Variants in WHR1 observed in about 807,000 individuals in gnomAD.
The protein encoded by WHR1 is winged helix repair factor 1.
At chr6:31,979,662 G>T in the WHR1 span, 1 of 1,447,170 alleles carries the variant, frequency 6.9e-7, no homozygotes, top group African/African-American at 1.4e-5. Context: ...CAGAAAAGCT[G>T]CCAAAAAGCT....
the WHR1 span, chr6:31,979,791 A>G: frequency 2.0e-6 from 1 of 496,306 alleles, no homozygotes; most frequent in East Asian, 3.4e-5. Flanking sequence ...GTGGCTTATC[A>G]AAAGCACACA....
At chr6:31,973,033 A>G in the WHR1 span, 2 of 684,654 alleles carry the variant, frequency 2.9e-6, no homozygotes, top group African/African-American at 1.8e-5. Flanking sequence ...ACGTCAGATC[A>G]TGACAGGCCT....
chr6:31,975,898 C>A, the WHR1 span, among the ~76,000 whole-genome samples: 2 of 149,496 alleles, frequency 1.3e-5, no homozygotes, highest in African/African-American at 2.5e-5. Flanking sequence ...GGCGGCTGGC[C>A]GGGCGGGGGG....
At chr6:31,972,342 G>A in the WHR1 span, 1 of 1,613,120 alleles carries the variant, frequency 6.2e-7, no homozygotes, top group Non-Finnish European at 8.5e-7. This position sits in a 1 kb window ranked among gnomAD's most constrained non-coding sequence, Gnocchi z 6.3. Context: ...GCTCTGCGCC[G>A]GAAGACCCTA....
chr6:31,974,188 G>A, the WHR1 span, among the ~76,000 whole-genome samples: 1 of 151,686 alleles, frequency 6.6e-6, no homozygotes, highest in East Asian at 1.9e-4. Flanking sequence ...GCTGAGGTGG[G>A]AGGATTGCTT....
At chr6:31,979,372 G>C in the WHR1 span, 3 of 1,610,992 alleles carry the variant, frequency 1.9e-6, no homozygotes, top group Non-Finnish European at 2.5e-6. Context: ...TTGGTAGAGA[G>C]TGAGGGTGGG....
the WHR1 span, among the ~76,000 whole-genome samples, chr6:31,978,182 C>T: frequency 6.6e-6 from 1 of 152,118 alleles, no homozygotes; most frequent in Non-Finnish European, 1.5e-5. Flanking sequence ...CACTGTGTTG[C>T]CCAGTTGCAA....
chr6:31,978,882 C>G, the WHR1 span: 1 of 1,611,548 alleles, frequency 6.2e-7, no homozygotes, highest in Non-Finnish European at 8.5e-7. Context: ...CCTCTTTTCA[C>G]TCTCTTCTCT....
At chr6:31,980,174 G>T in the WHR1 span, 3 of 465,894 alleles carry the variant, frequency 6.4e-6, no homozygotes, top group Non-Finnish European at 1.1e-5. Flanking sequence ...AGGACATGTG[G>T]TCAGGGAAGA....
At chr6:31,972,398 T>A in the WHR1 span, 1 of 1,612,998 alleles carries the variant, frequency 6.2e-7, no homozygotes, top group Non-Finnish European at 8.5e-7. This position sits in a 1 kb window ranked among gnomAD's most constrained non-coding sequence, Gnocchi z 6.3. Flanking sequence ...CCCGGTACCA[T>A]AAAATCCCGG....
the WHR1 span, among the ~76,000 whole-genome samples, chr6:31,975,201 CTTTTTT>C: frequency 7.3e-6 from 1 of 136,924 alleles, no homozygotes; most frequent in Admixed American, 7.4e-5. Context: ...TTAGTTTTCC[CTTTTTT>C]TTTTTTTTTT....
the WHR1 span, among the ~76,000 whole-genome samples, chr6:31,973,853 G>A: frequency 1.3e-5 from 2 of 152,112 alleles, no homozygotes; most frequent in Non-Finnish European, 2.9e-5. Context: ...CTCTTGGGGC[G>A]GGATTTGGGA....
chr6:31,974,554 C>T, the WHR1 span, among the ~76,000 whole-genome samples: 1 of 152,152 alleles, frequency 6.6e-6, no homozygotes, highest in Non-Finnish European at 1.5e-5. Flanking sequence ...CCCATCTTTA[C>T]TAAATAACTG....
At chr6:31,977,338 ATTTTTTTTT>A in the WHR1 span, among the ~76,000 whole-genome samples, 1 of 127,442 alleles carries the variant, frequency 7.8e-6, no homozygotes, top group Non-Finnish European at 1.7e-5. Context: ...CGCCCAGCTA[ATTTTTTTTT>A]TTTTTTTTTT....
At chr6:31,975,901 G>A in the WHR1 span, among the ~76,000 whole-genome samples, 3,215 of 150,428 alleles carry the variant, frequency 0.021, 17 homozygotes, top group Non-Finnish European at 0.035. Flanking sequence ...GGCTGGCCGG[G>A]CGGGGGGCTG....
At chr6:31,972,365 C>T in the WHR1 span, 1 of 1,613,102 alleles carries the variant, frequency 6.2e-7, no homozygotes, top group Non-Finnish European at 8.5e-7. The surrounding 1 kb of genome is among the most constrained non-coding windows in gnomAD (Gnocchi z 6.3). Flanking sequence ...TTCAGGTTCT[C>T]TTCCCTCCAT....
chr6:31,975,216 T>TG, the WHR1 span, among the ~76,000 whole-genome samples: 1 of 151,266 alleles, frequency 6.6e-6, no homozygotes, highest in African/African-American at 2.4e-5. Context: ...TTTTTTTTTT[T>TG]TTTGAGGTGG....
chr6:31,971,951 C>A, the WHR1 span: 1 of 1,558,720 alleles, frequency 6.4e-7, no homozygotes, highest in Admixed American at 1.8e-5. The surrounding 1 kb of genome is among the most constrained non-coding windows in gnomAD (Gnocchi z 4.5). Context: ...CAACTTCCAC[C>A]TCCGCAGAGC....
At chr6:31,976,138 A>AC in the WHR1 span, among the ~76,000 whole-genome samples, 9 of 126,286 alleles carry the variant, frequency 7.1e-5, no homozygotes, top group East Asian at 2.4e-4. Flanking sequence ...TGGGGGGCTG[A>AC]CCCCCCCACC....
Sources: allele counts gnomAD v4.1 joint callset (sites outside exome capture counted in the v4.1 genomes callset), GRCh38; gene constraint gnomAD v4.1.1; non-coding constraint Gnocchi (gnomAD v3.1); transcripts MANE v1.5; gene names NCBI Gene and HGNC (gene_info 2026-07-23, HGNC 2026-07-21).